The following SLC35F4 variants were observed in gnomAD, a reference collection of about 807,000 sequenced individuals.
The protein encoded by SLC35F4 is chromosome 14 open reading frame 36.
Under a neutral mutation model 44.2 loss-of-function variants are expected in SLC35F4, and 24 were observed. That is an observed-to-expected ratio of 0.54 (90% CI 0.39 to 0.76). The LOEUF is 0.76. SLC35F4 is among the 30% of genes least tolerant of loss of function. SLC35F4 has a pLI of 0.00. For synonymous variants in SLC35F4, 238 were observed against 223.6 expected, an observed-to-expected ratio of 1.06 and a Z score of -0.57; for missense variants, 562 against 586.1, an observed-to-expected ratio of 0.96 and a Z score of 0.42.
chr14:57,645,196 A>G lies in SLC35F4; in HGVS notation c.104-51072T>C, dbSNP rs367599595. Among the ~76,000 whole-genome samples, 155 of 152,292 alleles carry G rather than the reference A, an allele frequency of 1.0e-3. 1 individual carries two copies. The highest frequency in any genetic ancestry group is 3.6e-3 in the African/African-American group (148 of 41,568). On this transcript the variant is annotated intron_variant, in intron 1 of 7. Transcript: ENST00000556826. ...GCTTGATGGGGATGGCATTGAATCT[A>G]TAAATTACCTTGGGCAGTATGGCCA...
intron 1 of SLC35F4, among the ~76,000 whole-genome samples, chr14:57,654,914 T>G (rs937844378): frequency 5.9e-5 from 9 of 152,216 alleles, no homozygotes; most frequent in Non-Finnish European, 1.2e-4. Flanking sequence ...GCACCCTAGC[T>G]TATTTAAAGG....
intron 1 of SLC35F4, among the ~76,000 whole-genome samples, chr14:57,726,539 A>T (rs1212828786): frequency 6.6e-6 from 1 of 152,160 alleles, no homozygotes; most frequent in Non-Finnish European, 1.5e-5. Context: ...AGATTTATTG[A>T]CTTCATATCA....
At chr14:57,899,193 T>C (rs937503880) in intron 1 of SLC35F4, among the ~76,000 whole-genome samples, 1 of 152,226 alleles carries the variant, frequency 6.6e-6, no homozygotes, top group African/African-American at 2.4e-5. Context: ...CTACCTGCCA[T>C]TGCCACGTAT....
At chr14:57,942,991 G>A (rs78445720) in intron 1 of SLC35F4, among the ~76,000 whole-genome samples, 6,718 of 152,174 alleles carry the variant, frequency 0.044, 476 homozygotes, top group African/African-American at 0.15. Context: ...CTTGAATCTA[G>A]TTTTTTTAAA....
intron 1 of SLC35F4, among the ~76,000 whole-genome samples, chr14:57,726,046 C>A (rs1303639613): frequency 2.6e-5 from 4 of 152,162 alleles, no homozygotes; most frequent in Admixed American, 2.6e-4. Flanking sequence ...ATCCTCTTAC[C>A]TTTAAGTCAA....
intron 1 of SLC35F4, among the ~76,000 whole-genome samples, chr14:57,739,947 C>T (rs371613065): frequency 3.4e-4 from 52 of 152,142 alleles, no homozygotes; most frequent in African/African-American, 1.2e-3. Flanking sequence ...GAAACCTCTG[C>T]CTGCGGGGTT....
At chr14:57,710,548 G>A (rs958857558) in intron 1 of SLC35F4, among the ~76,000 whole-genome samples, 4 of 152,078 alleles carry the variant, frequency 2.6e-5, no homozygotes, top group African/African-American at 9.7e-5. Flanking sequence ...CCATGCACCT[G>A]GAAAAGCCAC....
chr14:57,678,152 C>G (rs1594776510), intron 1 of SLC35F4, among the ~76,000 whole-genome samples: 1 of 152,084 alleles, frequency 6.6e-6, no homozygotes, highest in East Asian at 1.9e-4. Context: ...AAAGGGAAGC[C>G]TATCAGACAA....
intron 1 of SLC35F4, among the ~76,000 whole-genome samples, chr14:57,960,395 C>G (rs957067650): frequency 2.6e-5 from 4 of 152,234 alleles, no homozygotes; most frequent in Non-Finnish European, 4.4e-5. Context: ...TTCCCCTCCC[C>G]CTTCCAGGGG....
intron 3 of SLC35F4, among the ~76,000 whole-genome samples, chr14:57,588,564 A>G (rs1272176490): frequency 6.6e-6 from 1 of 152,222 alleles, no homozygotes; most frequent in Non-Finnish European, 1.5e-5. Context: ...AGCCAGATTT[A>G]GTACAGAACA....
intron 7 of SLC35F4, among the ~76,000 whole-genome samples, chr14:57,564,602 T>G (rs1416654351): frequency 6.6e-6 from 1 of 152,216 alleles, no homozygotes; most frequent in Non-Finnish European, 1.5e-5. Context: ...GACTTAGTTA[T>G]CTCCCCAGTT....
intron 1 of SLC35F4, among the ~76,000 whole-genome samples, chr14:57,952,991 T>C (rs1890168477): frequency 6.6e-6 from 1 of 151,800 alleles, no homozygotes; most frequent in South Asian, 2.1e-4. Flanking sequence ...GATCATCAGA[T>C]TCACCAAGGT....
chr14:57,746,513 T>C (rs187060134), intron 1 of SLC35F4, among the ~76,000 whole-genome samples: 294 of 152,308 alleles, frequency 1.9e-3, no homozygotes, highest in Non-Finnish European at 1.3e-3. Flanking sequence ...TTGATCATGA[T>C]GTGTTATCCT....
At chr14:57,724,657 C>G (rs1014930129) in intron 1 of SLC35F4, among the ~76,000 whole-genome samples, 4 of 152,194 alleles carry the variant, frequency 2.6e-5, no homozygotes, top group South Asian at 2.1e-4. Context: ...CATTCTCCCC[C>G]CCAGCCTGCA....
At chr14:57,977,373 A>T (rs897286031) in intron 1 of SLC35F4, among the ~76,000 whole-genome samples, 3 of 152,208 alleles carry the variant, frequency 2.0e-5, no homozygotes, top group African/African-American at 7.2e-5. Flanking sequence ...AGGATGGTGT[A>T]TCGAGTCTGA....
At chr14:57,674,329 G>T (rs1208217913) in intron 1 of SLC35F4, among the ~76,000 whole-genome samples, 3 of 152,030 alleles carry the variant, frequency 2.0e-5, no homozygotes, top group Non-Finnish European at 2.9e-5. Context: ...ACTGAACATA[G>T]GCCTAACCTG....
chr14:57,831,644 G>A (rs950584666), intron 1 of SLC35F4, among the ~76,000 whole-genome samples: 1 of 152,092 alleles, frequency 6.6e-6, no homozygotes, highest in Non-Finnish European at 1.5e-5. Context: ...GCAGCAAGAG[G>A]GAATATTACC....
At chr14:57,629,174 ACT>A (rs1324544170) in intron 1 of SLC35F4, among the ~76,000 whole-genome samples, 1 of 152,076 alleles carries the variant, frequency 6.6e-6, no homozygotes, top group African/African-American at 2.4e-5. Context: ...TGTAGCACAC[ACT>A]CTGCTATGGC....
At chr14:57,850,577 T>C (rs1218434675) in intron 1 of SLC35F4, among the ~76,000 whole-genome samples, 9 of 152,208 alleles carry the variant, frequency 5.9e-5, no homozygotes, top group African/African-American at 2.2e-4. Context: ...AAGGAGAAAC[T>C]GATTCATAGC....
Sources: gnomAD v4.1 joint callset for allele counts (sites outside exome capture counted in the v4.1 genomes callset) on GRCh38, gnomAD v4.1.1 for gene constraint, MANE v1.5 for transcripts, NCBI Gene and HGNC (gene_info 2026-07-23, HGNC 2026-07-21) for gene names.